COL4A4: variants seen among roughly 807,000 people sequenced by gnomAD.
COL4A4 encodes collagen type IV alpha 4 chain.
COL4A4 carries 105 observed loss-of-function variants against 192.9 expected under a neutral mutation model. The ratio of observed to expected loss-of-function variants is 0.54; its 90% CI spans 0.46 to 0.64. The LOEUF (loss-of-function observed/expected upper bound fraction) is 0.64. Among genes scored for constraint, COL4A4 ranks in the 30% least tolerant of loss-of-function variants. The pLI is 0.00. For missense variants in COL4A4, 1,967 were observed against 2,169.3 expected (o/e 0.91, Z 1.85); for synonymous variants, 762 against 769.9 (o/e 0.99, Z 0.17).
intron 33 of COL4A4, 27 bp downstream of exon 33, chr2:227,050,950 T>C: frequency 6.2e-7 from 1 of 1,614,020 alleles, no homozygotes; most frequent in Non-Finnish European, 8.5e-7. Context: ...TTATTGTCTC[T>C]TCCCCCACAA....
chr2:227,041,864 A>AG lies in COL4A4; in HGVS notation c.3505+283_3505+284insC, dbSNP rs1559478704. Among the ~76,000 whole-genome samples the AG allele has an allele frequency of 1.1e-3, 115 of 109,432 alleles. 1 individual carries two copies. Among genetic ancestry groups the AG allele is most frequent in the African/African-American group, 4.0e-3 (100 of 25,070 alleles). 71.8% of individuals were successfully genotyped at this position (109,432 alleles called of 152,430 possible). On this transcript the variant is annotated intron_variant, in intron 37 of 47. Coordinates refer to ENST00000396625, the MANE Select transcript of COL4A4 (RefSeq NM_000092.5). ...AGAAAGAAAGAGAAAGAAAGAAAGA[A>AG]AGAAAGAAAGAAAGAAAGAAAGAAA...
At chr2:227,155,637 C>T (rs999359244) in intron 1 of COL4A4, among the ~76,000 whole-genome samples, 2 of 152,130 alleles carry the variant, frequency 1.3e-5, no homozygotes, top group Non-Finnish European at 2.9e-5. Context: ...TGAACTCCAG[C>T]GGTAATACTC....
At chr2:227,047,390 C>A (rs997345457) in intron 35 of COL4A4, 85 bp downstream of exon 35, 14 of 959,172 alleles carry the variant, frequency 1.5e-5, no homozygotes, top group Non-Finnish European at 2.3e-5. Flanking sequence ...AATATTGATA[C>A]GATCATTGCC....
Position 227,007,255 on chromosome 2 carries a change from A to T in COL4A4, c.*70T>A. Reference sequence around the variant, plus strand: ...CAAAATGAGCACCATGACATCTCTTAGCACAGTCTAGGAAGTCTTAGCCCC... The same window carrying T: ...CAAAATGAGCACCATGACATCTCTTTGCACAGTCTAGGAAGTCTTAGCCCC... On this transcript the variant is annotated 3_prime_UTR_variant, in exon 48 of 48. Transcript: ENST00000396625. The T allele has an allele frequency of 6.2e-7, 1 of 1,602,300 alleles. No homozygotes were observed. Among genetic ancestry groups the T allele is most frequent in the Non-Finnish European group, 8.5e-7 (1 of 1,169,942 alleles).
At chr2:227,025,150 T>C (rs1484955710) in intron 43 of COL4A4, among the ~76,000 whole-genome samples, 1 of 152,246 alleles carries the variant, frequency 6.6e-6, no homozygotes, top group Non-Finnish European at 1.5e-5. Flanking sequence ...ATGGTGTCTA[T>C]ATTCACAGCA....
chr2:227,069,588 T>C (rs2058581500), intron 25 of COL4A4, among the ~76,000 whole-genome samples: 1 of 152,162 alleles, frequency 6.6e-6, no homozygotes, highest in South Asian at 2.1e-4. Flanking sequence ...ATCTGGTCTT[T>C]GACAAACCTG....
At position 227,043,116 on chromosome 2, in the gene COL4A4, G is replaced by A. The variant is rs1971789194; in HGVS notation, c.3358C>T (p.Pro1120Ser). 5 of 1,613,826 alleles carry A rather than the reference G, an allele frequency of 3.1e-6. No homozygotes were observed. The highest frequency in any genetic ancestry group is 1.3e-5 in the African/African-American group (1 of 74,924). The change falls in exon 36 of 48, where the codon CCA becomes TCA. Residue 1120 changes from proline (P) to serine (S), a missense_variant. Transcript: ENST00000396625. The part of the protein sequence containing the change: ...IQGPRGSPGR[P>S]GPPGSSGPPG... ...GGTCCAGAGGAGCCAGGTGGCCCTG[G>A]CCTTCCAGGTGATCCTCTGGGCCCT... is the stretch of plus-strand genomic sequence containing the variant.
At chr2:226,988,386 T>G in the COL4A4 span, 9 of 1,550,142 alleles carry the variant, frequency 5.8e-6, no homozygotes, top group Non-Finnish European at 7.8e-6. Flanking sequence ...AAGATAAAGG[T>G]CAGAACAGAC....
In COL4A4 at chr2:227,121,051, C is replaced by T. The variant is rs769110804; in HGVS notation, c.290G>A (p.Arg97His). 1.4e-5 allele frequency: 23 copies of T among 1,614,138 alleles called. No individual in the cohort carries two copies. Among genetic ancestry groups the T allele is most frequent in the Middle Eastern group, 1.6e-4 (1 of 6,062 alleles). Residue 97 changes from arginine (R) to histidine (H), a missense_variant, in exon 5 of 48, where the codon CGC becomes CAC. By Grantham distance (29) the Arg-to-His change is conservative. Coordinates refer to ENST00000396625, the MANE Select transcript of COL4A4 (RefSeq NM_000092.5). ...LSGEKGMRGD[R>H]GPPGAAGDKG... ...GTCCCCTGCTGCTCCAGGAGGGCCG[C>T]GGTCCCCTCTCATTCCTTTCTCTCC...
Position 227,027,864 on chromosome 2 carries a change from T to C in COL4A4, c.4081+38A>G, listed in dbSNP as rs1038110571. The C allele has an allele frequency of 3.0e-6, 4 of 1,354,708 alleles. No individual in the cohort carries two copies. In the African/African-American group the frequency reaches 5.8e-5, roughly 20 times the overall value. The allele number at this position is 1,354,708 out of a possible 1,614,324, so 83.9% of individuals were successfully genotyped here. On this transcript the variant is annotated intron_variant, in intron 42 of 47. Transcript: ENST00000396625. ...TCTGAACGATGATCATTTTAGTAAA[T>C]GTTTAAACAAAATGCTGTATGTAGG... is the stretch of plus-strand genomic sequence containing the variant.
At position 227,032,263 on chromosome 2, in the gene COL4A4, C is replaced by G. The variant is rs542500936; in HGVS notation, c.3591G>C (p.Val1197=). ...GTKGASGLHD[V]GPPGPVGIPG... is the part of the protein sequence containing the mutation. ...GTATTCCCACTGGACCAGGTGGCCC[C>G]ACATCATGCAAACCTTAATGGGGAA... Residue 1197 remains valine, a synonymous_variant, in exon 39 of 48, where the codon GTG becomes GTC. Coordinates refer to ENST00000396625, the MANE Select transcript of COL4A4 (RefSeq NM_000092.5). 6.2e-7 allele frequency: 1 copy of G among 1,613,764 alleles called. No homozygotes were observed. Among genetic ancestry groups the G allele is most frequent in the East Asian group, 2.2e-5 (1 of 44,880 alleles).
chr2:227,017,297 C>T (rs949481609), intron 44 of COL4A4, among the ~76,000 whole-genome samples: 3 of 152,210 alleles, frequency 2.0e-5, no homozygotes, highest in African/African-American at 7.2e-5. Context: ...AGGCGGAAGA[C>T]ATTTCCTGAG....
At chr2:227,150,188 C>G (rs2063833055) in intron 1 of COL4A4, among the ~76,000 whole-genome samples, 1 of 152,066 alleles carries the variant, frequency 6.6e-6, no homozygotes. Context: ...CTAACTTTGA[C>G]TATAAGTGAG....
In COL4A4 at chr2:227,042,248, G is replaced by A. The variant is rs778816965; in HGVS notation, c.3405C>T (p.His1135=). 41 of 1,606,750 alleles carry A rather than the reference G, an allele frequency of 2.6e-5. No individual in the cohort carries two copies. The highest frequency in any genetic ancestry group is 2.0e-4 in the East Asian group (9 of 44,834). ...SSGPPGCPGD[H]GMPGLRGQPG... ...GCTGTCCCCTCAGCCCAGGCATCCC[G>A]TGATCACCTGAGGATGACAGGGAAG... The change falls in exon 37 of 48, where the codon CAC becomes CAT. Residue 1135 remains histidine (H), a synonymous_variant. Coordinates refer to ENST00000396625, the MANE Select transcript of COL4A4 (RefSeq NM_000092.5).
At chr2:226,974,225 T>TTTTATTTTA in the COL4A4 span, among the ~76,000 whole-genome samples, 19 of 148,142 alleles carry the variant, frequency 1.3e-4, no homozygotes, top group Non-Finnish European at 2.7e-4. Flanking sequence ...TGTTGCCCTT[T>TTTTATTTTA]TTTTATTTTA....
rs149984191 is a variant in COL4A4, at chr2:227,122,933, C to T, written c.193-1785G>A. ...AGGCTGGAGTGCAGTGGTGTGATCG[C>T]GGCTCACTGCAGCCTCCACCTCCCG... On this transcript the variant is annotated intron_variant, in intron 4 of 47. Transcript: ENST00000396625. Among the ~76,000 whole-genome samples, 648 of 152,078 alleles carry T rather than the reference C, an allele frequency of 4.3e-3. 5 individuals carry two copies. The highest frequency in any genetic ancestry group is 0.015 in the African/African-American group (615 of 41,462).
At chr2:227,144,489 G>C in intron 3 of COL4A4, 27 bp downstream of exon 3, 1 of 1,590,610 alleles carries the variant, frequency 6.3e-7, no homozygotes, top group Non-Finnish European at 8.6e-7. Context: ...TTTTCACAAC[G>C]CAACCAGAGC....
intron 1 of COL4A4, among the ~76,000 whole-genome samples, chr2:227,157,793 G>A (rs932839641): frequency 9.9e-5 from 15 of 151,912 alleles, no homozygotes; most frequent in African/African-American, 3.4e-4. Context: ...AAACTTCAGG[G>A]CTAGGTGGCT....
At chr2:227,150,706 A>T (rs1054919471) in intron 1 of COL4A4, among the ~76,000 whole-genome samples, 3 of 152,154 alleles carry the variant, frequency 2.0e-5, no homozygotes, top group African/African-American at 7.2e-5. Context: ...AGACAGAAGG[A>T]GTACTGAGCA....
Sources: allele counts gnomAD v4.1 joint callset (sites outside exome capture counted in the v4.1 genomes callset), GRCh38; gene constraint gnomAD v4.1.1; transcripts MANE v1.5; gene names NCBI Gene and HGNC (gene_info 2026-07-23, HGNC 2026-07-21).